Variants in ZNF831 observed in about 807,000 individuals in gnomAD.
The protein encoded by ZNF831 is zinc finger protein 831.
A neutral mutation model predicts 95.8 loss-of-function variants in ZNF831; 59 were observed. The observed-to-expected ratio is 0.62, with a 90% confidence interval of 0.50 to 0.77. The LOEUF is 0.77. Ranked by LOEUF, ZNF831 falls within the 30% of genes least tolerant of loss-of-function variation. The probability of loss-of-function intolerance (pLI) is 0.00; values close to 1 mark genes in which losing one functional copy is unlikely to be tolerated. For missense variants in ZNF831, 2,205 were observed against 2,164.0 expected (o/e 1.02, Z -0.38); for synonymous variants, 961 against 925.5 (o/e 1.04, Z -0.70).
chr20:59,129,165 A>C (rs1422304069), intron 1 of ZNF831, among the ~76,000 whole-genome samples: 2 of 152,178 alleles, frequency 1.3e-5, no homozygotes, highest in East Asian at 3.9e-4. Context: ...TTATGGAAGC[A>C]CAGTGCCTTA....
At position 59,194,682 on chromosome 20, in the gene ZNF831, C is replaced by A. The variant is rs1391904755; in HGVS notation, c.3663C>A (p.Pro1221=). The A allele has an allele frequency of 3.7e-6, 6 of 1,611,658 alleles. No individual in the cohort carries two copies. Among genetic ancestry groups the A allele is most frequent in the Middle Eastern group, 1.6e-4 (1 of 6,076 alleles). ...FPGSSLRDEG[P]NGPPGSNGGW... ...GTAGCAGCCTCCGAGATGAGGGTCC[C>A]AATGGCCCTCCTGGGAGCAATGGAG... The change falls in exon 2 of 6, where the codon CCC becomes CCA. Residue 1221 remains proline, a synonymous_variant. Transcript: ENST00000371030.
intron 4 of ZNF831, among the ~76,000 whole-genome samples, chr20:59,228,284 C>T (rs960248263): frequency 2.0e-5 from 3 of 152,092 alleles, no homozygotes; most frequent in Non-Finnish European, 4.4e-5. Flanking sequence ...GCTGATCTTG[C>T]TGGGTTTGCT....
At chr20:59,139,284 C>T (rs1979603119) in intron 1 of ZNF831, among the ~76,000 whole-genome samples, 1 of 151,786 alleles carries the variant, frequency 6.6e-6, no homozygotes, top group Admixed American at 6.6e-5. Context: ...AATCATTTAC[C>T]TGTTGAAGGG....
intron 4 of ZNF831, among the ~76,000 whole-genome samples, chr20:59,233,071 GAGAC>G (rs1425873815): frequency 6.6e-6 from 1 of 151,642 alleles, no homozygotes; most frequent in Admixed American, 6.6e-5. Context: ...GACAGAGACA[GAGAC>G]AGACAGACAG....
intron 4 of ZNF831, among the ~76,000 whole-genome samples, chr20:59,231,109 T>C (rs1239436741): frequency 6.6e-6 from 1 of 152,220 alleles, no homozygotes; most frequent in Non-Finnish European, 1.5e-5. Flanking sequence ...CCTACTTCCC[T>C]GTAAGGACAT....
At chr20:59,247,319 C>T (rs112596372) in intron 4 of ZNF831, among the ~76,000 whole-genome samples, 8 of 152,290 alleles carry the variant, frequency 5.3e-5, no homozygotes, top group African/African-American at 1.7e-4. Flanking sequence ...ACTATATTTG[C>T]TTGGTGAATT....
chr20:59,190,786 A>C (rs1385073119), intron 1 of ZNF831, among the ~76,000 whole-genome samples, 198 bp from the exon 2 acceptor site: 1 of 152,228 alleles, frequency 6.6e-6, no homozygotes, highest in African/African-American at 2.4e-5. Context: ...AGCTTGCATG[A>C]CAAGTTACTT....
chr20:59,151,305 T>C (rs1337266964), intron 2 of ZNF831, among the ~76,000 whole-genome samples: 1 of 152,120 alleles, frequency 6.6e-6, no homozygotes, highest in East Asian at 1.9e-4. Flanking sequence ...CCAGCACCCA[T>C]CTCTGGACAG....
intron 3 of ZNF831, among the ~76,000 whole-genome samples, chr20:59,196,975 C>T (rs568772689): frequency 2.4e-4 from 36 of 148,552 alleles, no homozygotes; most frequent in Admixed American, 1.1e-3. Flanking sequence ...TTAGTAGAGA[C>T]GGGGTTTTGC....
rs761139557 is a variant in ZNF831, at chr20:59,192,778, G to A, written c.1759G>A (p.Ala587Thr). Residue 587 changes from alanine (A) to threonine (T), a missense_variant, in exon 2 of 6, where the codon GCA becomes ACA. By Grantham distance (58) the Ala-to-Thr change is moderately conservative. Coordinates refer to ENST00000371030, the MANE Select transcript of ZNF831 (RefSeq NM_178457.3). This position sits in a 1 kb window ranked among gnomAD's most constrained non-coding sequence, Gnocchi z 5.2. ...DALVPAEDTD[A>T]KRTAAREAMA... ...CCTGGTGCCCGCAGAGGACACAGAC[G>A]CAAAGAGAACTGCTGCGCGGGAGGC... 28 of 1,612,418 alleles carry A rather than the reference G, an allele frequency of 1.7e-5. No individual in the cohort carries two copies. The highest frequency in any genetic ancestry group is 2.2e-5 in the East Asian group (1 of 44,888).
chr20:59,225,390 C>T (rs1171363674), intron 4 of ZNF831, among the ~76,000 whole-genome samples: 5 of 152,182 alleles, frequency 3.3e-5, no homozygotes, highest in Non-Finnish European at 1.5e-5. Context: ...GGGCATATTT[C>T]TTCTTTGCTT....
In ZNF831 at chr20:59,193,621, G is replaced by A. The variant is rs2146586451; in HGVS notation, c.2602G>A (p.Gly868Ser). The A allele has an allele frequency of 2.5e-6, 4 of 1,612,562 alleles. No homozygotes were observed. The highest frequency in any genetic ancestry group is 3.4e-6 in the Non-Finnish European group (4 of 1,179,588). Residue 868 changes from glycine (G) to serine (S), a missense_variant, in exon 2 of 6, where the codon GGC becomes AGC. By Grantham distance (56) the Gly-to-Ser change is moderately conservative (BLOSUM62 0). Transcript: ENST00000371030. ...TGCCGATCCCGGGGAGGTGCCAGGG[G>A]GCTCAAAGGAGAGTGCCAGGCAGGT... Reference protein sequence around the residue: ...QDADPGEVPGGSKESARQVGE... With the variant: ...QDADPGEVPGSSKESARQVGE...
intron 4 of ZNF831, among the ~76,000 whole-genome samples, chr20:59,248,070 C>A (rs1987707961): frequency 6.6e-6 from 1 of 152,228 alleles, no homozygotes. Flanking sequence ...TGCAGTCTGG[C>A]AATTATTTCT....
At chr20:59,137,308 G>A (rs977081850) in intron 1 of ZNF831, among the ~76,000 whole-genome samples, 7 of 149,032 alleles carry the variant, frequency 4.7e-5, no homozygotes, top group African/African-American at 1.2e-4. Context: ...TCAATGAAGC[G>A]CTGTATACAA....
intron 1 of ZNF831, among the ~76,000 whole-genome samples, chr20:59,179,547 G>A (rs1023451041): frequency 6.6e-6 from 1 of 152,044 alleles, no homozygotes; most frequent in African/African-American, 2.4e-5. Flanking sequence ...AAAGCTCTGG[G>A]TGGGAGAGGG....
intron 4 of ZNF831, among the ~76,000 whole-genome samples, chr20:59,210,607 C>CTG (rs1985232758): frequency 2.0e-5 from 3 of 152,164 alleles, no homozygotes; most frequent in Admixed American, 6.5e-5. Flanking sequence ...ACCCTGGGGG[C>CTG]CTCAGTGAGC....
intron 2 of ZNF831, among the ~76,000 whole-genome samples, chr20:59,153,138 C>T (rs1239247647): frequency 3.3e-5 from 5 of 152,196 alleles, no homozygotes; most frequent in Non-Finnish European, 7.3e-5. Context: ...CTCACTCTTT[C>T]CCACCTGAGC....
intron 4 of ZNF831, among the ~76,000 whole-genome samples, chr20:59,227,119 G>A (rs1191883963): frequency 6.6e-6 from 1 of 152,118 alleles, no homozygotes; most frequent in East Asian, 1.9e-4. Flanking sequence ...TTGTGTTAAA[G>A]GTTCCCCTTC....
intron 4 of ZNF831, among the ~76,000 whole-genome samples, chr20:59,232,043 T>G (rs1191430922): frequency 1.3e-5 from 2 of 152,178 alleles, no homozygotes; most frequent in East Asian, 3.9e-4. Context: ...AGGGAGATCT[T>G]ATGGATAGAC....
Sources: gnomAD v4.1 joint callset for allele counts (sites outside exome capture counted in the v4.1 genomes callset) on GRCh38, gnomAD v4.1.1 for gene constraint, Gnocchi (gnomAD v3.1) non-coding constraint, MANE v1.5 for transcripts, NCBI Gene and HGNC (gene_info 2026-07-23, HGNC 2026-07-21) for gene names.